Variants in CCR2 observed in about 807,000 individuals in gnomAD.
The protein encoded by CCR2 is C-C motif chemokine receptor 2.
For missense variants in CCR2, 408 were observed against 440.0 expected, an observed-to-expected ratio of 0.93 and a Z score of 0.65; for synonymous variants, 183 against 177.1, an observed-to-expected ratio of 1.03 and a Z score of -0.27.
intron 1 of CCR2, chr3:46,354,728 A>C (rs1334664244): frequency 2.0e-5 from 3 of 152,246 alleles, no homozygotes; most frequent in African/African-American, 7.2e-5. Context: ...GCCAGTTGTA[A>C]AAATGAAATT....
chr3:46,358,985 T>C lies in CCR2; in HGVS notation c.*375T>C. On this transcript the variant is annotated 3_prime_UTR_variant, in exon 2 of 2. Coordinates refer to ENST00000445132, the MANE Select transcript of CCR2 (RefSeq NM_001123396.4). ...AGAGAATGTGACAGGCACAGATGAA[T>C]GGGAGTGAGGGATAGTGGGGTCAGG... 5 of 1,055,744 alleles carry C rather than the reference T, an allele frequency of 4.7e-6. No homozygotes were observed. The highest frequency in any genetic ancestry group is 5.8e-6 in the Non-Finnish European group (5 of 863,652). 65.4% of individuals were successfully genotyped at this position (1,055,744 alleles called of 1,614,324 possible).
chr3:46,359,362 T>G lies in CCR2; in HGVS notation c.*752T>G. Reference sequence around the variant, plus strand: ...CCCCCTGTCTAAAAATTCAGAAAATTTTTGTTTATAAAAGATGCATTATCT... The same window carrying G: ...CCCCCTGTCTAAAAATTCAGAAAATGTTTGTTTATAAAAGATGCATTATCT... On this transcript the variant is annotated 3_prime_UTR_variant, in exon 2 of 2. Transcript: ENST00000445132. The G allele has an allele frequency of 1.9e-6, 2 of 1,053,414 alleles. No individual in the cohort carries two copies. Among genetic ancestry groups the G allele is most frequent in the South Asian group, 4.3e-5 (1 of 23,082 alleles). The allele number at this position is 1,053,414 out of a possible 1,614,324, so 65.3% of individuals were successfully genotyped here.
Position 46,359,526 on chromosome 3 carries a change from G to A in CCR2, c.*916G>A. Reference sequence around the variant, plus strand: ...AGGACGGGGATCGTGTGGAACCACTGCAGAACTATTTCCGAAATCAACTAA... The same window carrying A: ...AGGACGGGGATCGTGTGGAACCACTACAGAACTATTTCCGAAATCAACTAA... On this transcript the variant is annotated 3_prime_UTR_variant, in exon 2 of 2. Coordinates refer to ENST00000445132, the MANE Select transcript of CCR2 (RefSeq NM_001123396.4). 1 of 1,001,742 alleles carries A rather than the reference G, an allele frequency of 1.0e-6. No individual in the cohort carries two copies. Among genetic ancestry groups the A allele is most frequent in the African/African-American group, 1.6e-5 (1 of 61,340 alleles). 62.1% of individuals were successfully genotyped at this position (1,001,742 alleles called of 1,614,324 possible).
Position 46,357,919 on chromosome 3 carries a change from T to C in CCR2, c.392T>C (p.Ile131Thr). ...GGTTATTTTGGCGGAATCTTCTTCA[T>C]CATCCTCCTGACAATCGATAGATAC... ...HIGYFGGIFF[I>T]ILLTIDRYLA... The change falls in exon 2 of 2, where the codon ATC (isoleucine) becomes ACC (threonine). Residue 131 changes from isoleucine to threonine, a missense_variant. Coordinates refer to ENST00000445132, the MANE Select transcript of CCR2 (RefSeq NM_001123396.4). 6.2e-7 allele frequency: 1 copy of C among 1,614,220 alleles called. No individual in the cohort carries two copies. Among genetic ancestry groups the C allele is most frequent in the Non-Finnish European group, 8.5e-7 (1 of 1,180,030 alleles).
chr3:46,357,358 G>A (rs1701472410), intron 1 of CCR2, 119 bp from the exon 2 acceptor site: 4 of 670,574 alleles, frequency 6.0e-6, no homozygotes, highest in Non-Finnish European at 7.5e-6. Context: ...CTTTCAGGGA[G>A]ATGGCTGCAA....
rs1701499012 is a variant in CCR2, at chr3:46,358,648, TAAC to T, written c.*41_*43del. 10 of 1,536,442 alleles carry T rather than the reference TAAC, an allele frequency of 6.5e-6. No individual in the cohort carries two copies. The highest frequency in any genetic ancestry group is 1.2e-5 in the South Asian group (1 of 81,188). ...TTTGATTGTTGTTTATAAAGGGAGA[TAAC>T]AATCTGTATATAACAACAAACTTCA... On this transcript the variant is annotated 3_prime_UTR_variant, in exon 2 of 2. Coordinates refer to ENST00000445132, the MANE Select transcript of CCR2 (RefSeq NM_001123396.4).
At position 46,358,345 on chromosome 3, in the gene CCR2, G is replaced by T. The variant is rs780628400; in HGVS notation, c.818G>T (p.Gly273Val). 15 of 1,614,128 alleles carry T rather than the reference G, an allele frequency of 9.3e-6. No individual in the cohort carries two copies. Among genetic ancestry groups the T allele is most frequent in the Non-Finnish European group, 1.1e-5 (13 of 1,180,012 alleles). ...CTGAACACCTTCCAGGAATTCTTCG[G>T]CCTGAGTAACTGTGAAAGCACCAGT... Reference protein sequence around the residue: ...ILLNTFQEFFGLSNCESTSQL... With the variant: ...ILLNTFQEFFVLSNCESTSQL... The change falls in exon 2 of 2, where the codon GGC becomes GTC. Residue 273 changes from glycine (G) to valine (V), a missense_variant. Physicochemically the swap from Gly to Val is moderately radical, Grantham distance 109 (BLOSUM62 -3). Transcript: ENST00000445132.
At position 46,360,761 on chromosome 3, in the gene CCR2, A is replaced by G. The variant is rs1311343150; in HGVS notation, c.*2151A>G. The G allele has an allele frequency of 6.6e-6, 1 of 152,240 alleles. No individual in the cohort carries two copies. Among genetic ancestry groups the G allele is most frequent in the African/African-American group, 2.4e-5 (1 of 41,468 alleles). The allele number at this position is 152,240 out of a possible 1,614,324, so 9.4% of individuals were successfully genotyped here. A position where few individuals can be genotyped will look rare whatever the true frequency, so the allele number is the denominator to read the frequency against. ...CTCTACTTTCAGGCCACATGGCTAA[A>G]GAAGGTTTCAGAAAGAAGTGGGGAC... is the stretch of plus-strand genomic sequence containing the variant. On this transcript the variant is annotated 3_prime_UTR_variant, in exon 2 of 2. Transcript: ENST00000445132.
chr3:46,360,208 G>A lies in CCR2; in HGVS notation c.*1598G>A, dbSNP rs912247496. Reference sequence around the variant, plus strand: ...CTTTGAGCTTAAGAATTTTGAGCAGGTGGTATGTTTGGGAGACTGCTGAGT... The same window carrying A: ...CTTTGAGCTTAAGAATTTTGAGCAGATGGTATGTTTGGGAGACTGCTGAGT... On this transcript the variant is annotated 3_prime_UTR_variant, in exon 2 of 2. Coordinates refer to ENST00000445132, the MANE Select transcript of CCR2 (RefSeq NM_001123396.4). 9 of 270,580 alleles carry A rather than the reference G, an allele frequency of 3.3e-5. No individual in the cohort carries two copies. The highest frequency in any genetic ancestry group is 1.9e-4 in the African/African-American group (8 of 42,976). The allele number at this position is 270,580 out of a possible 1,614,324, so 16.8% of individuals were successfully genotyped here.
chr3:46,359,645 C>T lies in CCR2; in HGVS notation c.*1035C>T. On this transcript the variant is annotated 3_prime_UTR_variant, in exon 2 of 2. Coordinates refer to ENST00000445132, the MANE Select transcript of CCR2 (RefSeq NM_001123396.4). ...TTTGTGCTTGCTTTTCCCTGCCTTG[C>T]CACTCCCCTCACTCTTCTCTTTTCC... The T allele has an allele frequency of 6.3e-7, 1 of 1,587,760 alleles. No individual in the cohort carries two copies. Among genetic ancestry groups the T allele is most frequent in the Non-Finnish European group, 8.6e-7 (1 of 1,169,480 alleles).
chr3:46,358,145 G>T lies in CCR2; in HGVS notation c.618G>T (p.Arg206Ser). The change falls in exon 2 of 2, where the codon AGG (arginine) becomes AGT (serine). Residue 206 changes from arginine to serine, a missense_variant. Transcript: ENST00000445132. ...GGAATAATTTCCACACAATAATGAG[G>T]AACATTTTGGGGCTGGTCCTGCCGC... ...RGWNNFHTIM[R>S]NILGLVLPLL... is the part of the protein sequence containing the mutation. 6.2e-7 allele frequency: 1 copy of T among 1,614,092 alleles called. No homozygotes were observed. The highest frequency in any genetic ancestry group is 1.1e-5 in the South Asian group (1 of 91,076).
chr3:46,354,701 G>A (rs574992962), intron 1 of CCR2, among the ~76,000 whole-genome samples: 9 of 152,328 alleles, frequency 5.9e-5, no homozygotes, highest in African/African-American at 2.2e-4. Context: ...GTTCACTGTA[G>A]TAGAAGCTAC....
chr3:46,360,342 C>T lies in CCR2; in HGVS notation c.*1732C>T, dbSNP rs866260614. On this transcript the variant is annotated 3_prime_UTR_variant, in exon 2 of 2. Coordinates refer to ENST00000445132, the MANE Select transcript of CCR2 (RefSeq NM_001123396.4). ...ATGATGTCGTTTGAATCACAGTATA[C>T]GCTCCATCGCTGTCATCTCAGCTGG... 2.5e-5 allele frequency: 4 copies of T among 157,872 alleles called. No individual in the cohort carries two copies. In the South Asian group the frequency reaches 7.5e-4, roughly 30 times the overall value. The allele number at this position is 157,872 out of a possible 1,614,324, so 9.8% of individuals were successfully genotyped here.
intron 1 of CCR2, among the ~76,000 whole-genome samples, chr3:46,355,167 T>C (rs189083418): frequency 1.3e-5 from 2 of 152,342 alleles, no homozygotes; most frequent in Admixed American, 6.5e-5. Flanking sequence ...ATGCTGTGTG[T>C]AGCAGATAAC....
chr3:46,359,370 A>T lies in CCR2; in HGVS notation c.*760A>T. 1 of 1,060,364 alleles carries T rather than the reference A, an allele frequency of 9.4e-7. No homozygotes were observed. Among genetic ancestry groups the T allele is most frequent in the South Asian group, 4.3e-5 (1 of 23,096 alleles). 65.7% of individuals were successfully genotyped at this position (1,060,364 alleles called of 1,614,324 possible). A position where few individuals can be genotyped will look rare whatever the true frequency, so the allele number is the denominator to read the frequency against. ...CTAAAAATTCAGAAAATTTTTGTTT[A>T]TAAAAGATGCATTATCTATGATATG... is the stretch of plus-strand genomic sequence containing the variant. On this transcript the variant is annotated 3_prime_UTR_variant, in exon 2 of 2. Coordinates refer to ENST00000445132, the MANE Select transcript of CCR2 (RefSeq NM_001123396.4).
In CCR2 at chr3:46,358,022, G is replaced by A; in HGVS notation, c.495G>A (p.Trp165Ter). Reference sequence around the variant, plus strand: ...GGGTGGTGACAAGTGTGATCACCTGGTTGGTGGCTGTGTTTGCTTCTGTCC... The same window carrying A: ...GGGTGGTGACAAGTGTGATCACCTGATTGGTGGCTGTGTTTGCTTCTGTCC... ...TFGVVTSVIT[W>*]LVAVFASVPG... Residue 165 changes from tryptophan to a stop codon, truncating the protein, a stop_gained, in exon 2 of 2, where the codon TGG (tryptophan) becomes TGA (stop). Coordinates refer to ENST00000445132, the MANE Select transcript of CCR2 (RefSeq NM_001123396.4). LOFTEE classifies it low-confidence loss of function (END_TRUNC). 6.2e-7 allele frequency: 1 copy of A among 1,614,190 alleles called. No homozygotes were observed. The highest frequency in any genetic ancestry group is 8.5e-7 in the Non-Finnish European group (1 of 1,180,010).
Position 46,357,924 on chromosome 3 carries a change from C to A in CCR2, c.397C>A (p.Leu133Ile), listed in dbSNP as rs1190295120. 1 of 1,614,086 alleles carries A rather than the reference C, an allele frequency of 6.2e-7. No homozygotes were observed. Among genetic ancestry groups the A allele is most frequent in the African/African-American group, 1.3e-5 (1 of 74,924 alleles). ...TTTTGGCGGAATCTTCTTCATCATC[C>A]TCCTGACAATCGATAGATACCTGGC... The part of the protein sequence containing the change: ...GYFGGIFFII[L>I]LTIDRYLAIV... The change falls in exon 2 of 2, where the codon CTC (leucine) becomes ATC (isoleucine). Residue 133 changes from leucine (L) to isoleucine (I), a missense_variant. Transcript: ENST00000445132.
rs2106725764 is a variant in CCR2, at chr3:46,359,847, A to G, written c.*1237A>G. The G allele has an allele frequency of 6.2e-7, 1 of 1,613,676 alleles. No homozygotes were observed. The highest frequency in any genetic ancestry group is 8.5e-7 in the Non-Finnish European group (1 of 1,179,894). ...GCCCCTGAAGCCAGTCTTCAGGACA[A>G]AGAAGGAGCCTAGAGACAGAAATGA... is the stretch of plus-strand genomic sequence containing the variant. On this transcript the variant is annotated 3_prime_UTR_variant, in exon 2 of 2. Coordinates refer to ENST00000445132, the MANE Select transcript of CCR2 (RefSeq NM_001123396.4).
rs776392870 is a variant in CCR2 at position 46,359,700 on chromosome 3, G to A, written c.*1090G>A. ...AGCCTTTTTCACATAGCTCTTGGCT[G>A]TAGGATTGCCCCACTCCAAAAACCA... On this transcript the variant is annotated 3_prime_UTR_variant, in exon 2 of 2. Coordinates refer to ENST00000445132, the MANE Select transcript of CCR2 (RefSeq NM_001123396.4). The A allele has an allele frequency of 6.2e-7, 1 of 1,613,064 alleles. No individual in the cohort carries two copies. The highest frequency in any genetic ancestry group is 1.1e-5 in the South Asian group (1 of 90,848).
Sources: allele counts gnomAD v4.1 joint callset (sites outside exome capture counted in the v4.1 genomes callset), GRCh38; gene constraint gnomAD v4.1.1; transcripts MANE v1.5; gene names NCBI Gene and HGNC (gene_info 2026-07-23, HGNC 2026-07-21).